The following NOL4 variants were observed in gnomAD, a reference collection of about 807,000 sequenced individuals.
NOL4 encodes nucleolar protein 4.
A neutral mutation model predicts 75.9 loss-of-function variants in NOL4; 17 were observed. The observed-to-expected ratio is 0.22, with a 90% CI of 0.15 to 0.34. NOL4 has a LOEUF of 0.34. Among genes scored for constraint, NOL4 ranks in the 10% least tolerant of loss-of-function variants. NOL4 has a pLI of 1.00. For missense variants in NOL4, 614 were observed against 793.5 expected (o/e 0.77, Z 2.72); for synonymous variants, 292 against 289.9 (o/e 1.01, Z -0.07).
intron 1 of NOL4, among the ~76,000 whole-genome samples, chr18:34,207,245 T>G (rs2036188890): frequency 6.6e-6 from 1 of 152,218 alleles, no homozygotes; most frequent in African/African-American, 2.4e-5. Context: ...TTCATTGTTT[T>G]TATATGCCAA....
At chr18:34,129,511 G>A (rs1323301792) in intron 2 of NOL4, among the ~76,000 whole-genome samples, 2 of 151,538 alleles carry the variant, frequency 1.3e-5, no homozygotes, top group Non-Finnish European at 3.0e-5. Flanking sequence ...GACAGTAGTG[G>A]TAGTATAAAA....
intron 1 of NOL4, among the ~76,000 whole-genome samples, chr18:34,187,719 T>C (rs2034598135): frequency 6.6e-6 from 1 of 152,238 alleles, no homozygotes; most frequent in African/African-American, 2.4e-5. Context: ...AATATTTCAT[T>C]GTCTGGCTAT....
At chr18:34,112,371 CAA>C (rs536035251) in intron 2 of NOL4, among the ~76,000 whole-genome samples, 1 of 137,520 alleles carries the variant, frequency 7.3e-6, no homozygotes, top group Non-Finnish European at 1.6e-5. Flanking sequence ...TGTCCCCCCC[CAA>C]AAAAAAAAGA....
At chr18:34,194,241 T>G (rs186820691) in intron 1 of NOL4, among the ~76,000 whole-genome samples, 2 of 152,158 alleles carry the variant, frequency 1.3e-5, no homozygotes, top group Non-Finnish European at 2.9e-5. Context: ...CAAAAAAGTA[T>G]GTGAAGCAAT....
At chr18:33,994,010 A>G (rs780605225) in intron 6 of NOL4, among the ~76,000 whole-genome samples, 1 of 151,858 alleles carries the variant, frequency 6.6e-6, no homozygotes, top group Non-Finnish European at 1.5e-5. Context: ...CTACATTAAT[A>G]TAAGACAAAA....
chr18:33,903,565 T>C (rs529423461), intron 9 of NOL4, among the ~76,000 whole-genome samples: 63 of 152,298 alleles, frequency 4.1e-4, no homozygotes, highest in African/African-American at 1.5e-3. Context: ...GCCTCATCTT[T>C]AGATCTGGGA....
At chr18:33,978,836 GTTAATT>G (rs557137250) in intron 6 of NOL4, among the ~76,000 whole-genome samples, 79 of 151,392 alleles carry the variant, frequency 5.2e-4, no homozygotes, top group Middle Eastern at 6.8e-3. Flanking sequence ...TTGTTATATT[GTTAATT>G]TTAAGTTTTT....
chr18:34,048,507 C>A, intron 5 of NOL4: 4 of 985,464 alleles, frequency 4.1e-6, no homozygotes, highest in Non-Finnish European at 4.8e-6. Context: ...GCAGATCCAG[C>A]ATCCCTCAGG....
chr18:33,895,920 T>C (rs1271021093), intron 9 of NOL4, among the ~76,000 whole-genome samples: 8 of 152,022 alleles, frequency 5.3e-5, no homozygotes, highest in African/African-American at 1.9e-4. Flanking sequence ...GTCTCAGCCC[T>C]AAAGCTCCTA....
chr18:34,026,441 C>T (rs1201579166), intron 5 of NOL4, among the ~76,000 whole-genome samples: 1 of 152,124 alleles, frequency 6.6e-6, no homozygotes, highest in Non-Finnish European at 1.5e-5. Context: ...ATTCCCTGGC[C>T]CTTCCACTGC....
At chr18:34,044,978 G>C (rs908146810) in intron 5 of NOL4, among the ~76,000 whole-genome samples, 6 of 152,170 alleles carry the variant, frequency 3.9e-5, no homozygotes, top group Non-Finnish European at 7.4e-5. Flanking sequence ...ACCAGACTGA[G>C]TGTTTTTATG....
At chr18:33,991,396 TA>T (rs1417842325) in intron 6 of NOL4, among the ~76,000 whole-genome samples, 1 of 152,126 alleles carries the variant, frequency 6.6e-6, no homozygotes, top group Non-Finnish European at 1.5e-5. Context: ...ATAATAAAAA[TA>T]AACTAAATGT....
At chr18:33,928,808 T>G (rs1374373959) in intron 9 of NOL4, among the ~76,000 whole-genome samples, 1 of 152,084 alleles carries the variant, frequency 6.6e-6, no homozygotes, top group Non-Finnish European at 1.5e-5. Context: ...TTACATAAGC[T>G]AAAATTATAG....
At chr18:34,199,111 C>T (rs184689955) in intron 1 of NOL4, among the ~76,000 whole-genome samples, 1 of 150,190 alleles carries the variant, frequency 6.7e-6, no homozygotes, top group Admixed American at 6.6e-5. Context: ...AGGAAATGTT[C>T]CTTCTTTTTC....
chr18:33,965,939 T>A (rs186295183), intron 6 of NOL4, among the ~76,000 whole-genome samples: 1 of 152,278 alleles, frequency 6.6e-6, no homozygotes, highest in East Asian at 1.9e-4. Flanking sequence ...TTAAACACTG[T>A]TCAGTTTAGG....
At chr18:33,974,638 A>G (rs531375303) in intron 6 of NOL4, among the ~76,000 whole-genome samples, 1 of 152,340 alleles carries the variant, frequency 6.6e-6, no homozygotes, top group South Asian at 2.1e-4. Context: ...ATAATGAAAA[A>G]GTTTATTACA....
At chr18:34,143,886 A>AAAAC (rs373735870) in intron 1 of NOL4, among the ~76,000 whole-genome samples, 8 of 145,484 alleles carry the variant, frequency 5.5e-5, no homozygotes, top group Non-Finnish European at 6.0e-5. Context: ...AAAAAAAAAA[A>AAAAC]CCTGAAACTT....
rs2068305158 is a variant in NOL4, at chr18:33,939,397, G to A, written c.1542+3668C>T. On this transcript the variant is annotated intron_variant, in intron 9 of 10. Coordinates refer to ENST00000261592, the MANE Select transcript of NOL4 (RefSeq NM_003787.5). Reference sequence around the variant, plus strand: ...TGGCCATTTTCATATTGATTCTTTCGATCCATGAGCAAGGAATGTTTTTCC... The same window carrying A: ...TGGCCATTTTCATATTGATTCTTTCAATCCATGAGCAAGGAATGTTTTTCC... 2.0e-5 allele frequency among the ~76,000 whole-genome samples: 3 copies of A among 151,750 alleles called. No homozygotes were observed. In the South Asian group the frequency reaches 6.2e-4, roughly 32 times the overall value.
chr18:33,957,303 C>T, intron 8 of NOL4, 23 bp downstream of exon 8: 1 of 1,590,866 alleles, frequency 6.3e-7, no homozygotes. Context: ...GAGTCTAGGG[C>T]TGTGTTTTAA....
Sources: gnomAD v4.1 joint callset for allele counts (sites outside exome capture counted in the v4.1 genomes callset) on GRCh38, gnomAD v4.1.1 for gene constraint, MANE v1.5 for transcripts, NCBI Gene and HGNC (gene_info 2026-07-23, HGNC 2026-07-21) for gene names.